The following SERPIND1 variants were observed in gnomAD, a reference collection of about 807,000 sequenced individuals.
The protein encoded by SERPIND1 is serpin family D member 1, also known as heparin cofactor 2.
A neutral mutation model predicts 35.0 loss-of-function variants in SERPIND1; 34 were observed. The observed-to-expected ratio is 0.97, with a 90% confidence interval of 0.74 to 1.29. The LOEUF (loss-of-function observed/expected upper bound fraction) is 1.29. Among genes scored for constraint, SERPIND1 ranks in the 50% most tolerant of loss-of-function variants. The probability of loss-of-function intolerance (pLI) is 0.00; values close to 1 mark genes in which losing one functional copy is unlikely to be tolerated. For synonymous variants in SERPIND1, 236 were observed against 241.1 expected (o/e 0.98, Z 0.19); for missense variants, 633 against 637.7 (o/e 0.99, Z 0.08).
Position 20,784,003 on chromosome 22 carries a change from G to C in SERPIND1, c.921G>C (p.Met307Ile), listed in dbSNP as rs776571754. The C allele has an allele frequency of 1.2e-6, 2 of 1,614,154 alleles. No homozygotes were observed. The highest frequency in any genetic ancestry group is 1.7e-5 in the Admixed American group (1 of 60,022). Residue 307 changes from methionine to isoleucine, a missense_variant, in exon 3 of 5, where the codon ATG (methionine) becomes ATC (isoleucine). Physicochemically the swap from Met to Ile is conservative, Grantham distance 10. Transcript: ENST00000215727. ...GGGTGAATAAATTCCCAGTGGAAAT[G>C]ACACACAACCACAACTTCCGGCTGA... ...GSWVNKFPVE[M>I]THNHNFRLNE...
At chr22:20,776,737 G>T (rs1424941802) in intron 1 of SERPIND1, among the ~76,000 whole-genome samples, 1 of 152,074 alleles carries the variant, frequency 6.6e-6, no homozygotes, top group African/African-American at 2.4e-5. Flanking sequence ...GTGACGAAAG[G>T]CTCAGTCTCC....
At chr22:20,776,933 T>A (rs1284441151) in intron 1 of SERPIND1, among the ~76,000 whole-genome samples, 2 of 152,196 alleles carry the variant, frequency 1.3e-5, no homozygotes, top group Non-Finnish European at 2.9e-5. Context: ...GAGCAGCCAG[T>A]AACTCTTACC....
Position 20,779,844 on chromosome 22 carries a change from C to T in SERPIND1, c.532C>T (p.His178Tyr), listed in dbSNP as rs888690062. 2 of 1,614,104 alleles carry T rather than the reference C, an allele frequency of 1.2e-6. No homozygotes were observed. Among genetic ancestry groups the T allele is most frequent in the Non-Finnish European group, 8.5e-7 (1 of 1,180,054 alleles). Reference sequence around the variant, plus strand: ...GAAGGGAGAGACCCATGAACAAGTGCACTCGATTTTGCATTTTAAAGACTT... The same window carrying T: ...GAAGGGAGAGACCCATGAACAAGTGTACTCGATTTTGCATTTTAAAGACTT... Reference protein sequence around the residue: ...GLKGETHEQVHSILHFKDFVN... With the variant: ...GLKGETHEQVYSILHFKDFVN... Residue 178 changes from histidine (H) to tyrosine (Y), a missense_variant, in exon 2 of 5, where the codon CAC (histidine) becomes TAC (tyrosine). Transcript: ENST00000215727.
At chr22:20,778,019 T>C (rs1933437448) in intron 1 of SERPIND1, among the ~76,000 whole-genome samples, 1 of 152,172 alleles carries the variant, frequency 6.6e-6, no homozygotes, top group Non-Finnish European at 1.5e-5. Context: ...TTTCTAACCC[T>C]GTGTTAGAAG....
In SERPIND1 at chr22:20,785,871, G is replaced by A. The variant is rs374693211; in HGVS notation, c.1164-133G>A. On this transcript the variant is annotated intron_variant, in intron 3 of 4. Transcript: ENST00000215727. Reference sequence around the variant, plus strand: ...CCTAAAATCCTCAACTGACAGTCCCGGAATATAAATTTTAATAAGTGCTAT... The same window carrying A: ...CCTAAAATCCTCAACTGACAGTCCCAGAATATAAATTTTAATAAGTGCTAT... 2.8e-4 allele frequency: 363 copies of A among 1,294,372 alleles called. 5 individuals carry two copies. In the South Asian group the frequency reaches 4.1e-3, roughly 15 times the overall value. The allele number at this position is 1,294,372 out of a possible 1,614,324, so 80.2% of individuals were successfully genotyped here.
chr22:20,776,478 G>A lies in SERPIND1; in HGVS notation c.-17+2333G>A, dbSNP rs890940748. 7.2e-5 allele frequency among the ~76,000 whole-genome samples: 11 copies of A among 152,176 alleles called. No individual in the cohort carries two copies. The East Asian group carries it at 1.9e-3, about 27-fold the overall frequency. On this transcript the variant is annotated intron_variant, in intron 1 of 4. Transcript: ENST00000215727. ...CAATGTGACTTTCCTGCTCCAAAATGTGCAATTCAAAAGTCTTTCTTAGTT... is the reference window on the plus strand; with the variant it reads ...CAATGTGACTTTCCTGCTCCAAAATATGCAATTCAAAAGTCTTTCTTAGTT...
chr22:20,780,213 C>G lies in SERPIND1; in HGVS notation c.889+12C>G. ...CATCTACTTCAAAGGTAAGAGGCAC[C>G]TTTACAGTTCTCACAGCAAACCCAC... On this transcript the variant is annotated intron_variant, in intron 2 of 4. Transcript: ENST00000215727. 6.2e-7 allele frequency: 1 copy of G among 1,614,178 alleles called. No individual in the cohort carries two copies. The highest frequency in any genetic ancestry group is 8.5e-7 in the Non-Finnish European group (1 of 1,180,038).
In SERPIND1 at chr22:20,780,775, C is replaced by CAAAAAAAAAAAAAAAAAAAAAAAAAA. The variant is rs538327544; in HGVS notation, c.889+590_889+591insAAAAAAAAAAAAAAAAAAAAAAAAAA. On this transcript the variant is annotated intron_variant, in intron 2 of 4. Transcript: ENST00000215727. ...TGGACGACAGAGTGAGACTCCATCTCAAAAAAAAAAAAAAAAGAAGTAAAA... is the reference window on the plus strand; with the variant it reads ...TGGACGACAGAGTGAGACTCCATCTCAAAAAAAAAAAAAAAAAAAAAAAAAAAAAAAAAAAAAAAAAAGAAGTAAAA... Among the ~76,000 whole-genome samples, 45 of 67,640 alleles carry CAAAAAAAAAAAAAAAAAAAAAAAAAA rather than the reference C, an allele frequency of 6.7e-4. 1 individual carries two copies. Among genetic ancestry groups the CAAAAAAAAAAAAAAAAAAAAAAAAAA allele is most frequent in the South Asian group, 1.1e-3 (2 of 1,880 alleles). The allele number at this position is 67,640 out of a possible 152,430, so 44.4% of individuals were successfully genotyped here.
intron 2 of SERPIND1, among the ~76,000 whole-genome samples, chr22:20,781,019 G>A (rs1170716247): frequency 6.6e-6 from 1 of 152,152 alleles, no homozygotes; most frequent in Non-Finnish European, 1.5e-5. Context: ...TTCAGCTTGA[G>A]CAGCTGACAT....
At chr22:20,776,187 G>C (rs928879904) in intron 1 of SERPIND1, among the ~76,000 whole-genome samples, 1 of 152,138 alleles carries the variant, frequency 6.6e-6, no homozygotes, top group Non-Finnish European at 1.5e-5. Context: ...ACTGGGTTTG[G>C]TGGCACACAC....
At chr22:20,774,819 C>T (rs1933132028) in intron 1 of SERPIND1, among the ~76,000 whole-genome samples, 1 of 150,760 alleles carries the variant, frequency 6.6e-6, no homozygotes, top group Admixed American at 6.6e-5. Context: ...TATAGGAGAC[C>T]TACTCTCAAA....
Position 20,780,046 on chromosome 22 carries a change from T to C in SERPIND1, c.734T>C (p.Phe245Ser). Reference sequence around the variant, plus strand: ...AAAACTAAAGTAAGAGAGTATTACTTTGCTGAGGCCCAGATAGCTGACTTC... The same window carrying C: ...AAAACTAAAGTAAGAGAGTATTACTCTGCTGAGGCCCAGATAGCTGACTTC... ...DFKTKVREYY[F>S]AEAQIADFSD... Residue 245 changes from phenylalanine to serine, a missense_variant, in exon 2 of 5, where the codon TTT (phenylalanine) becomes TCT (serine). Physicochemically the swap from Phe to Ser is radical, Grantham distance 155 (BLOSUM62 -2). Coordinates refer to ENST00000215727, the MANE Select transcript of SERPIND1 (RefSeq NM_000185.4). 6.2e-7 allele frequency: 1 copy of C among 1,614,150 alleles called. No homozygotes were observed. Among genetic ancestry groups the C allele is most frequent in the Non-Finnish European group, 8.5e-7 (1 of 1,180,040 alleles).
chr22:20,777,033 GT>G (rs940118924), intron 1 of SERPIND1, among the ~76,000 whole-genome samples: 6 of 108,668 alleles, frequency 5.5e-5, no homozygotes, highest in Non-Finnish European at 1.1e-4. Context: ...ACAAAAGGCA[GT>G]TTTTTTTTGT....
rs1366700793 is a variant in SERPIND1 at position 20,785,763 on chromosome 22, G to A, written c.1164-241G>A. Among the ~76,000 whole-genome samples the A allele has an allele frequency of 3.3e-5, 5 of 152,108 alleles. No individual in the cohort carries two copies. The East Asian group carries it at 5.8e-4, about 18-fold the overall frequency. On this transcript the variant is annotated intron_variant, in intron 3 of 4. Transcript: ENST00000215727. ...GCTGCTAACCTTGAAGATAGGAAACGAACCATACAGTCTCAAGGAAATAAT... is the reference window on the plus strand; with the variant it reads ...GCTGCTAACCTTGAAGATAGGAAACAAACCATACAGTCTCAAGGAAATAAT...
intron 1 of SERPIND1, among the ~76,000 whole-genome samples, chr22:20,778,870 C>T (rs1488157040): frequency 3.3e-5 from 5 of 152,154 alleles, no homozygotes; most frequent in African/African-American, 9.7e-5. Flanking sequence ...ATTTTGAGAG[C>T]CTTCGCTTTA....
At chr22:20,784,571 C>T (rs574286166) in intron 3 of SERPIND1, among the ~76,000 whole-genome samples, 3 of 152,274 alleles carry the variant, frequency 2.0e-5, no homozygotes, top group South Asian at 2.1e-4. Context: ...ATTACTTCCC[C>T]GGGTCACTTG....
chr22:20,779,194 G>C, intron 1 of SERPIND1, 103 bp from the exon 2 acceptor site: 3 of 1,589,736 alleles, frequency 1.9e-6, no homozygotes, highest in African/African-American at 2.7e-5. Flanking sequence ...TGCTGTGAGG[G>C]CCTCTTCCTG....
chr22:20,776,784 C>A (rs1016485287), intron 1 of SERPIND1, among the ~76,000 whole-genome samples: 1 of 152,196 alleles, frequency 6.6e-6, no homozygotes, highest in Admixed American at 6.5e-5. Context: ...AACTAAGTTA[C>A]ACGAAGTGCC....
At chr22:20,777,308 C>T (rs1933378344) in intron 1 of SERPIND1, among the ~76,000 whole-genome samples, 1 of 152,012 alleles carries the variant, frequency 6.6e-6, no homozygotes. Flanking sequence ...CCTCTGCCTC[C>T]TGAATTCAAA....
Sources: allele counts gnomAD v4.1 joint callset (sites outside exome capture counted in the v4.1 genomes callset), GRCh38; gene constraint gnomAD v4.1.1; transcripts MANE v1.5; gene names NCBI Gene and HGNC (gene_info 2026-07-23, HGNC 2026-07-21).